Variants in GLG1 observed in about 807,000 individuals in gnomAD.
GLG1 encodes golgi glycoprotein 1.
In GLG1, 38 loss-of-function variants were observed where a neutral mutation model predicts 160.5. That is an observed-to-expected ratio of 0.24 (90% CI 0.18 to 0.31). The LOEUF (loss-of-function observed/expected upper bound fraction) is 0.31. Ranked by LOEUF, GLG1 falls within the 10% of genes least tolerant of loss-of-function variation. The pLI, the probability that GLG1 is intolerant of heterozygous loss-of-function variation, is 1.00. For missense variants in GLG1, 1,373 were observed against 1,505.2 expected, an observed-to-expected ratio of 0.91 and a Z score of 1.45; for synonymous variants, 644 against 543.4, an observed-to-expected ratio of 1.19 and a Z score of -2.57.
At chr16:74,471,122 G>T in intron 15 of GLG1, 51 bp downstream of exon 15, 1 of 958,014 alleles carries the variant, frequency 1.0e-6, no homozygotes, top group Non-Finnish European at 1.7e-6. Context: ...AAAGGATTCA[G>T]TCAACATCCA....
At position 74,452,931 on chromosome 16, in the gene GLG1, T is replaced by G; in HGVS notation, c.*236A>C. The G allele has an allele frequency of 8.3e-7, 1 of 1,209,634 alleles. No homozygotes were observed. Among genetic ancestry groups the G allele is most frequent in the East Asian group, 3.5e-5 (1 of 28,216 alleles). 74.9% of individuals were successfully genotyped at this position (1,209,634 alleles called of 1,614,324 possible). A position where few individuals can be genotyped will look rare whatever the true frequency, so the allele number is the denominator to read the frequency against. On this transcript the variant is annotated 3_prime_UTR_variant, in exon 26 of 26. Transcript: ENST00000422840. Reference sequence around the variant, plus strand: ...TGTCTACAGGCAGGTAAACCCAAGTTTGCCAAACAAAGGCAGTAACCCCAG... The same window carrying G: ...TGTCTACAGGCAGGTAAACCCAAGTGTGCCAAACAAAGGCAGTAACCCCAG...
At chr16:74,571,512 AT>A (rs2018826076) in intron 1 of GLG1, among the ~76,000 whole-genome samples, 1 of 152,044 alleles carries the variant, frequency 6.6e-6, no homozygotes, top group Non-Finnish European at 1.5e-5. Flanking sequence ...GTCTTTATAA[AT>A]AATAATAAAA....
At chr16:74,461,854 A>G in intron 22 of GLG1, 1 of 403,652 alleles carries the variant, frequency 2.5e-6, no homozygotes, top group African/African-American at 2.1e-5. Context: ...AGAGAGCTAT[A>G]ATGAAAGAAC....
chr16:74,578,450 A>T (rs1957864244), intron 1 of GLG1, among the ~76,000 whole-genome samples: 1 of 152,234 alleles, frequency 6.6e-6, no homozygotes, highest in Non-Finnish European at 1.5e-5. Context: ...GCTTGTAATA[A>T]GTCAACGGAT....
intron 15 of GLG1, among the ~76,000 whole-genome samples, chr16:74,470,821 G>C (rs535547607): frequency 2.0e-5 from 3 of 151,938 alleles, no homozygotes; most frequent in African/African-American, 7.2e-5. Flanking sequence ...GCGCAGTGGC[G>C]ATCTCGGCTC....
chr16:74,527,981 G>A (rs1436815921), intron 2 of GLG1, among the ~76,000 whole-genome samples: 4 of 149,748 alleles, frequency 2.7e-5, no homozygotes, highest in African/African-American at 9.8e-5. Flanking sequence ...ACCTCCCAGG[G>A]TCACACCATT....
At chr16:74,603,537 A>G (rs1294098650) in intron 1 of GLG1, among the ~76,000 whole-genome samples, 1 of 152,100 alleles carries the variant, frequency 6.6e-6, no homozygotes, top group African/African-American at 2.4e-5. Flanking sequence ...CAGCCTCCCA[A>G]AGGGCTAGGA....
intron 2 of GLG1, among the ~76,000 whole-genome samples, chr16:74,523,411 G>A (rs999887342): frequency 3.3e-5 from 5 of 152,062 alleles, no homozygotes; most frequent in Non-Finnish European, 7.4e-5. Context: ...GGTTCTTCAA[G>A]ATCGCTTTGG....
At position 74,557,753 on chromosome 16, in the gene GLG1, C is replaced by T. The variant is rs201873402; in HGVS notation, c.439-25600G>A. On this transcript the variant is annotated intron_variant, in intron 1 of 25. Coordinates refer to ENST00000422840, the MANE Select transcript of GLG1 (RefSeq NM_001145667.2). ...CCTTGGTAGAAAGTGTCCTGTGTGT[C>T]TTTTTTTTTTTTGGTAGGGTTGGGG... 2.8e-4 allele frequency among the ~76,000 whole-genome samples: 41 copies of T among 143,900 alleles called. No homozygotes were observed. The East Asian group carries it at 8.1e-3, about 28-fold the overall frequency. The allele number at this position is 143,900 out of a possible 152,430, so 94.4% of individuals were successfully genotyped here.
At chr16:74,514,407 A>T (rs1376692427) in intron 2 of GLG1, among the ~76,000 whole-genome samples, 1 of 152,250 alleles carries the variant, frequency 6.6e-6, no homozygotes, top group African/African-American at 2.4e-5. Flanking sequence ...CGGGTTACCC[A>T]CAAAGGGAAG....
rs561758898 is a variant in GLG1, at chr16:74,516,820, T to C, written c.472-7895A>G. 2.6e-5 allele frequency among the ~76,000 whole-genome samples: 4 copies of C among 151,686 alleles called. No individual in the cohort carries two copies. The South Asian group carries it at 8.3e-4, about 32-fold the overall frequency. On this transcript the variant is annotated intron_variant, in intron 2 of 25. Transcript: ENST00000422840. The stretch of plus-strand genomic sequence containing the variant: ...ATAGATAGACTGCTAGCAAGACTAA[T>C]AAAGAAGAGACAAGAATCAAATAGA...
At chr16:74,516,346 AC>A (rs768234139) in intron 2 of GLG1, among the ~76,000 whole-genome samples, 5 of 151,796 alleles carry the variant, frequency 3.3e-5, no homozygotes, top group Non-Finnish European at 5.9e-5. Context: ...AGAAATTGTA[AC>A]AAACTGTCTC....
chr16:74,601,392 C>T (rs1958436028), intron 1 of GLG1, among the ~76,000 whole-genome samples: 2 of 150,718 alleles, frequency 1.3e-5, no homozygotes, highest in Non-Finnish European at 2.9e-5. Context: ...CCAACCTGGG[C>T]AACCCGGCAA....
chr16:74,532,916 C>G (rs907902831), intron 1 of GLG1, among the ~76,000 whole-genome samples: 24 of 152,136 alleles, frequency 1.6e-4, no homozygotes, highest in African/African-American at 5.8e-4. Context: ...GTTTTTGAAA[C>G]TTCCTGTGAG....
Position 74,481,384 on chromosome 16 carries a change from A to C in GLG1, c.1674-990T>G, listed in dbSNP as rs956259072. Among the ~76,000 whole-genome samples the C allele has an allele frequency of 3.3e-5, 5 of 152,324 alleles. No individual in the cohort carries two copies. The South Asian group carries it at 1.0e-3, about 32-fold the overall frequency. ...CATATTATATTGTCAACTTTGGTAGATGGCTAGTTAATGGGAGAAAAAAGC... is the reference window on the plus strand; with the variant it reads ...CATATTATATTGTCAACTTTGGTAGCTGGCTAGTTAATGGGAGAAAAAAGC... On this transcript the variant is annotated intron_variant, in intron 10 of 25. Transcript: ENST00000422840.
At chr16:74,513,145 A>G (rs2016867318) in intron 2 of GLG1, among the ~76,000 whole-genome samples, 1 of 152,196 alleles carries the variant, frequency 6.6e-6, no homozygotes, top group Admixed American at 6.5e-5. Flanking sequence ...AGGTTAATGG[A>G]TAATTTTGAC....
At position 74,449,718 on chromosome 16, in the gene GLG1, T is replaced by G. The variant is rs1357657875; in HGVS notation, c.*3449A>C. 1 of 152,254 alleles carries G rather than the reference T, an allele frequency of 6.6e-6. No individual in the cohort carries two copies. Among genetic ancestry groups the G allele is most frequent in the Admixed American group, 6.5e-5 (1 of 15,278 alleles). 9.4% of individuals were successfully genotyped at this position (152,254 alleles called of 1,614,324 possible). A position where few individuals can be genotyped will look rare whatever the true frequency, so the allele number is the denominator to read the frequency against. On this transcript the variant is annotated 3_prime_UTR_variant, in exon 26 of 26. Transcript: ENST00000422840. ...CTCAACATTAGCTCACTGGTCACCC[T>G]AGAATTCTCCTAGCTTTGAAGGATG...
At chr16:74,596,638 T>C (rs1202881785) in intron 1 of GLG1, among the ~76,000 whole-genome samples, 1 of 152,262 alleles carries the variant, frequency 6.6e-6, no homozygotes, top group African/African-American at 2.4e-5. Context: ...GTTTCAACTG[T>C]TCACTAGCTG....
chr16:74,575,621 CAG>C (rs2018980678), intron 1 of GLG1, among the ~76,000 whole-genome samples: 1 of 152,094 alleles, frequency 6.6e-6, no homozygotes, highest in Non-Finnish European at 1.5e-5. Context: ...TTTTTTGAGA[CAG>C]AGTCTCCCTC....
Sources: allele counts gnomAD v4.1 joint callset (sites outside exome capture counted in the v4.1 genomes callset), GRCh38; gene constraint gnomAD v4.1.1; transcripts MANE v1.5; gene names NCBI Gene and HGNC (gene_info 2026-07-23, HGNC 2026-07-21).